GLDC: variants seen among roughly 807,000 people sequenced by gnomAD.
GLDC encodes glycine decarboxylase, also known as glycine dehydrogenase (decarboxylating), mitochondrial.
A neutral mutation model predicts 121.3 loss-of-function variants in GLDC; 104 were observed. That is an observed-to-expected ratio of 0.86 (90% CI 0.73 to 1.01). The LOEUF (loss-of-function observed/expected upper bound fraction) is 1.01. GLDC is among the 50% of genes least tolerant of loss of function. The probability of loss-of-function intolerance (pLI) is 0.00; values close to 1 mark genes in which losing one functional copy is unlikely to be tolerated. For synonymous variants in GLDC, 546 were observed against 480.6 expected, an observed-to-expected ratio of 1.14 and a Z score of -1.78; for missense variants, 1,429 against 1,306.6, an observed-to-expected ratio of 1.09 and a Z score of -1.44.
rs144937031 is a variant in GLDC at position 6,536,172 on chromosome 9, C to T, written c.2730G>A (p.Ser910=). ...ATCTGTCCAGCTCTGCCTTGTCCTC[C>T]GACTCAGTGGGCTCCACCATGAGGG... is the stretch of plus-strand genomic sequence containing the variant. ...AGTLMVEPTE[S]EDKAELDRFC... Residue 910 remains serine, a synonymous_variant, in exon 23 of 25, where the codon TCG becomes TCA. Transcript: ENST00000321612. 1,484 of 1,614,036 alleles carry T rather than the reference C, an allele frequency of 9.2e-4. 2 individuals carry two copies. Among genetic ancestry groups the T allele is most frequent in the Non-Finnish European group, 1.2e-3 (1,358 of 1,179,964 alleles).
In GLDC at chr9:6,532,811, G is replaced by C; in HGVS notation, c.*206C>G. The C allele has an allele frequency of 3.4e-6, 2 of 580,490 alleles. No homozygotes were observed. The highest frequency in any genetic ancestry group is 5.9e-5 in the East Asian group (2 of 33,864). 36.0% of individuals were successfully genotyped at this position (580,490 alleles called of 1,614,324 possible). A position where few individuals can be genotyped will look rare whatever the true frequency, so the allele number is the denominator to read the frequency against. On this transcript the variant is annotated 3_prime_UTR_variant, in exon 25 of 25. Transcript: ENST00000321612. ...CAGGCAACTGGCACATGTGGAAGCA[G>C]AATACCAAAGCAAATCCGTCTTCCA...
intron 14 of GLDC, 60 bp downstream of exon 14, chr9:6,588,341 A>T: frequency 9.0e-7 from 1 of 1,111,534 alleles, no homozygotes; most frequent in Non-Finnish European, 1.4e-6. Context: ...TTCTGGGCTT[A>T]GGTGGAAGCT....
At chr9:6,562,091 T>C (rs1009833465) in intron 16 of GLDC, among the ~76,000 whole-genome samples, 1 of 152,252 alleles carries the variant, frequency 6.6e-6, no homozygotes, top group Non-Finnish European at 1.5e-5. Flanking sequence ...TTTTATTTTT[T>C]CGTAAGATCT....
intron 10 of GLDC, 68 bp from the exon 11 acceptor site, chr9:6,592,291 G>A: frequency 2.1e-6 from 2 of 950,922 alleles, no homozygotes; most frequent in Non-Finnish European, 3.4e-6. Flanking sequence ...AATCCCAAGA[G>A]AGGTCAAAGG....
At chr9:6,593,460 G>C (rs1818420862) in intron 9 of GLDC, among the ~76,000 whole-genome samples, 1 of 151,312 alleles carries the variant, frequency 6.6e-6, no homozygotes, top group Non-Finnish European at 1.5e-5. Context: ...CATCACACCT[G>C]GCTAATAATT....
At chr9:6,618,760 G>A (rs529142047) in intron 3 of GLDC, among the ~76,000 whole-genome samples, 1 of 151,928 alleles carries the variant, frequency 6.6e-6, no homozygotes, top group Non-Finnish European at 1.5e-5. Context: ...AGACATGGAT[G>A]GACAGACACA....
intron 3 of GLDC, 142 bp downstream of exon 3, chr9:6,620,042 C>A (rs1819052305): frequency 1.2e-6 from 1 of 806,408 alleles, no homozygotes; most frequent in Non-Finnish European, 2.1e-6. Flanking sequence ...CCAGAGAAAC[C>A]CGGTAGGTTC....
At chr9:6,637,267 G>A (rs113915069) in intron 2 of GLDC, among the ~76,000 whole-genome samples, 32,889 of 151,370 alleles carry the variant, frequency 0.22, 3,617 homozygotes, top group South Asian at 0.3. Flanking sequence ...TTAGACAGGC[G>A]TGGTGGCAGG....
intron 15 of GLDC, among the ~76,000 whole-genome samples, chr9:6,574,587 G>C (rs1818028842): frequency 6.6e-6 from 1 of 152,082 alleles, no homozygotes; most frequent in Non-Finnish European, 1.5e-5. Flanking sequence ...CTGCCCTAAA[G>C]TCTAACAAAC....
intron 2 of GLDC, among the ~76,000 whole-genome samples, chr9:6,632,007 G>T (rs763121472): frequency 6.6e-5 from 10 of 152,164 alleles, no homozygotes. Flanking sequence ...GGTTGAGGCT[G>T]CAGTGAGCCA....
intron 14 of GLDC, among the ~76,000 whole-genome samples, chr9:6,588,088 T>TA (rs546278190): frequency 8.7e-6 from 1 of 115,332 alleles, no homozygotes. Flanking sequence ...CAATTTTTTT[T>TA]AAAAAAGCTT....
intron 2 of GLDC, among the ~76,000 whole-genome samples, chr9:6,629,143 A>G (rs1268470977): frequency 6.6e-6 from 1 of 152,122 alleles, no homozygotes; most frequent in African/African-American, 2.4e-5. Flanking sequence ...CGCCTAAAAT[A>G]GCAACAGTTT....
intron 21 of GLDC, among the ~76,000 whole-genome samples, chr9:6,546,097 T>A (rs1222436972): frequency 6.6e-6 from 1 of 152,228 alleles, no homozygotes; most frequent in Non-Finnish European, 1.5e-5. Context: ...TAATTTCTTT[T>A]TACTTTTTAA....
intron 2 of GLDC, chr9:6,622,936 C>A (rs1304801583): frequency 9.9e-6 from 2 of 202,868 alleles, no homozygotes; most frequent in Non-Finnish European, 2.0e-5. Flanking sequence ...TGGCCGCGAC[C>A]CCGTCTGGGA....
At chr9:6,595,173 G>T in intron 8 of GLDC, 54 bp from the exon 9 acceptor site, 1 of 1,146,120 alleles carries the variant, frequency 8.7e-7, no homozygotes, top group Non-Finnish European at 1.3e-6. Flanking sequence ...TTAGTGGGAG[G>T]GTGTAATTAC....
At chr9:6,558,465 C>T (rs774325106) in intron 17 of GLDC, 94 bp downstream of exon 17, 107 of 1,401,356 alleles carry the variant, frequency 7.6e-5, no homozygotes, top group Non-Finnish European at 1.1e-4. Context: ...CATTAGAATG[C>T]AAGAGAAGAC....
chr9:6,614,910 T>C (rs1020732148), intron 3 of GLDC, among the ~76,000 whole-genome samples: 19 of 152,180 alleles, frequency 1.2e-4, no homozygotes, highest in African/African-American at 2.7e-4. Context: ...CTATAGGCAA[T>C]TGTACAACAA....
intron 7 of GLDC, among the ~76,000 whole-genome samples, chr9:6,603,921 G>T (rs549763879): frequency 6.6e-6 from 1 of 151,744 alleles, no homozygotes; most frequent in Non-Finnish European, 1.5e-5. Flanking sequence ...GTAAAGACAG[G>T]GTTTCACCAT....
intron 19 of GLDC, among the ~76,000 whole-genome samples, chr9:6,554,124 A>C (rs1379049124): frequency 6.6e-6 from 1 of 152,208 alleles, no homozygotes; most frequent in Admixed American, 6.5e-5. Flanking sequence ...CATTTTCCCA[A>C]GATGATTTGA....
Sources: gnomAD v4.1 joint callset for allele counts (sites outside exome capture counted in the v4.1 genomes callset) on GRCh38, gnomAD v4.1.1 for gene constraint, MANE v1.5 for transcripts, NCBI Gene and HGNC (gene_info 2026-07-23, HGNC 2026-07-21) for gene names.